DNAJC10: variants seen among roughly 807,000 people sequenced by gnomAD.
The protein encoded by DNAJC10 is endoplasmic reticulum disulfide reductase DNAJC10.
DNAJC10 carries 101 observed loss-of-function variants against 115.0 expected under a neutral mutation model. The observed-to-expected ratio is 0.88, with a 90% CI of 0.75 to 1.04. The LOEUF is 1.04. Among genes scored for constraint, DNAJC10 ranks in the 50% least tolerant of loss-of-function variants. The pLI, the probability that DNAJC10 is intolerant of heterozygous loss-of-function variation, is 0.00. For missense variants in DNAJC10, 981 were observed against 928.8 expected (o/e 1.06, Z -0.73); for synonymous variants, 307 against 301.5 (o/e 1.02, Z -0.19).
chr2:182,726,633 C>T (rs1214368758), intron 5 of DNAJC10, among the ~76,000 whole-genome samples: 1 of 152,126 alleles, frequency 6.6e-6, no homozygotes, highest in Non-Finnish European at 1.5e-5. Flanking sequence ...CCACAGCCAC[C>T]CCAACCTTAC....
At chr2:182,728,750 AAAAT>A in intron 6 of DNAJC10, 92 bp downstream of exon 6, 1 of 1,503,142 alleles carries the variant, frequency 6.7e-7, no homozygotes, top group South Asian at 1.2e-5. Context: ...ATAGTAATCA[AAAAT>A]AATTATCAAA....
chr2:182,719,579 T>C (rs957153796), intron 3 of DNAJC10, among the ~76,000 whole-genome samples: 45 of 152,162 alleles, frequency 3.0e-4, no homozygotes, highest in African/African-American at 9.2e-4. Flanking sequence ...GCTGATAGAT[T>C]GGGGCACATC....
At chr2:182,771,249 TCA>T (rs77167163) in intron 22 of DNAJC10, among the ~76,000 whole-genome samples, 46,515 of 151,972 alleles carry the variant, frequency 0.31, 8,058 homozygotes, top group East Asian at 0.49. Flanking sequence ...TTTAGGATTT[TCA>T]CATCGATGTT....
chr2:182,791,388 A>C lies in DNAJC10; in HGVS notation c.*14256A>C, dbSNP rs752439121. On this transcript the variant is annotated 3_prime_UTR_variant, in exon 24 of 24. Transcript: ENST00000264065. ...ATATTTTTGAATACTATTCTGGCCA[A>C]ATTAGTATAAAATGGGTTACTCTAA... 1 of 152,202 alleles carries C rather than the reference A, an allele frequency of 6.6e-6. No individual in the cohort carries two copies. The highest frequency in any genetic ancestry group is 1.5e-5 in the Non-Finnish European group (1 of 68,020). 9.4% of individuals were successfully genotyped at this position (152,202 alleles called of 1,614,324 possible).
intron 5 of DNAJC10, among the ~76,000 whole-genome samples, chr2:182,725,521 G>A (rs1693261245): frequency 6.6e-6 from 1 of 152,164 alleles, no homozygotes; most frequent in African/African-American, 2.4e-5. Context: ...CAGCCATACT[G>A]CTAACATAGA....
chr2:182,770,737 A>G (rs1694539185), intron 22 of DNAJC10, among the ~76,000 whole-genome samples: 1 of 152,218 alleles, frequency 6.6e-6, no homozygotes, highest in Admixed American at 6.5e-5. Context: ...TAAATAAACA[A>G]TCATGTCATC....
In DNAJC10 at chr2:182,788,211, G is replaced by T; in HGVS notation, c.*11079G>T. On this transcript the variant is annotated 3_prime_UTR_variant, in exon 24 of 24. Coordinates refer to ENST00000264065, the MANE Select transcript of DNAJC10 (RefSeq NM_018981.4). ...CCATCCATGGAGTGGGATTCAAGAAGCATACCCCTCAGAGCACTCAAAGAG... is the reference window on the plus strand; with the variant it reads ...CCATCCATGGAGTGGGATTCAAGAATCATACCCCTCAGAGCACTCAAAGAG... 6.4e-6 allele frequency: 1 copy of T among 155,400 alleles called. No homozygotes were observed. The highest frequency in any genetic ancestry group is 6.5e-5 in the Admixed American group (1 of 15,364). 9.6% of individuals were successfully genotyped at this position (155,400 alleles called of 1,614,324 possible).
chr2:182,782,158 T>G lies in DNAJC10; in HGVS notation c.*5026T>G, dbSNP rs1373045202. The G allele has an allele frequency of 6.6e-6, 1 of 152,228 alleles. No individual in the cohort carries two copies. Among genetic ancestry groups the G allele is most frequent in the Non-Finnish European group, 1.5e-5 (1 of 68,036 alleles). 9.4% of individuals were successfully genotyped at this position (152,228 alleles called of 1,614,324 possible). On this transcript the variant is annotated 3_prime_UTR_variant, in exon 24 of 24. Transcript: ENST00000264065. ...GGAAGGGGTCCCAGTTTCAGTTTTCTACATGTGGCTAGCCTGTTTTCCCAA... is the reference window on the plus strand; with the variant it reads ...GGAAGGGGTCCCAGTTTCAGTTTTCGACATGTGGCTAGCCTGTTTTCCCAA...
At chr2:182,764,174 GACGGGTAATGAATGCCTGCTGC>G (rs1694355093) in intron 22 of DNAJC10, among the ~76,000 whole-genome samples, 1 of 152,160 alleles carries the variant, frequency 6.6e-6, no homozygotes, top group South Asian at 2.1e-4. Flanking sequence ...TGTAAATTTT[GACGGGTAATGAATGCCTGCTGC>G]TGATCCCCTA....
intron 7 of DNAJC10, chr2:182,729,222 C>T (rs1298760134): frequency 7.6e-6 from 3 of 393,024 alleles, no homozygotes; most frequent in Non-Finnish European, 1.4e-5. Flanking sequence ...AGTCTCGGCT[C>T]ACTGCAACCT....
chr2:182,774,258 G>T (rs1426709207), intron 22 of DNAJC10, among the ~76,000 whole-genome samples: 1 of 152,220 alleles, frequency 6.6e-6, no homozygotes, highest in Non-Finnish European at 1.5e-5. Flanking sequence ...TGAGGTGTCT[G>T]TCGGCCCCTA....
In DNAJC10 at chr2:182,739,770, A is replaced by G. The variant is rs1207704529; in HGVS notation, c.988-529A>G. ...GTTTGGTTTTTAGATGAAAACCTCT[A>G]TAATGAGCAAAAGTCCATTCCAATT... is the stretch of plus-strand genomic sequence containing the variant. On this transcript the variant is annotated intron_variant, in intron 11 of 23. Transcript: ENST00000264065. 10 of 1,000,040 alleles carry G rather than the reference A, an allele frequency of 1.0e-5. No homozygotes were observed. In the South Asian group the frequency reaches 1.7e-4, roughly 17 times the overall value. 61.9% of individuals were successfully genotyped at this position (1,000,040 alleles called of 1,614,324 possible). A position where few individuals can be genotyped will look rare whatever the true frequency, so the allele number is the denominator to read the frequency against.
At chr2:182,761,006 GA>G (rs1179067178) in intron 21 of DNAJC10, among the ~76,000 whole-genome samples, 2 of 151,796 alleles carry the variant, frequency 1.3e-5, no homozygotes, top group Admixed American at 1.3e-4. Context: ...TATTAAACAT[GA>G]AAAAGACCAT....
In DNAJC10 at chr2:182,759,306, G is replaced by A; in HGVS notation, c.2144G>A (p.Arg715Lys). Residue 715 changes from arginine (R) to lysine (K), a missense_variant and splice_region_variant, in exon 21 of 24, where the codon AGG (arginine) becomes AAG (lysine). Coordinates refer to ENST00000264065, the MANE Select transcript of DNAJC10 (RefSeq NM_018981.4). The part of the protein sequence containing the change: ...NFAPEFELLA[R>K]MIKGKVKAGK... The stretch of plus-strand genomic sequence containing the variant: ...GCTCCAGAATTTGAGCTCTTGGCTA[G>A]GGTAAGTCATACCTGTCTTAAATAA... The A allele has an allele frequency of 6.2e-7, 1 of 1,608,840 alleles. No homozygotes were observed. The highest frequency in any genetic ancestry group is 8.5e-7 in the Non-Finnish European group (1 of 1,178,796).
rs1371673261 is a variant in DNAJC10 at position 182,752,197 on chromosome 2, A to C, written c.1551+9A>C. 7.4e-7 allele frequency: 1 copy of C among 1,359,046 alleles called. No homozygotes were observed. Among genetic ancestry groups the C allele is most frequent in the Admixed American group, 2.1e-5 (1 of 48,512 alleles). The allele number at this position is 1,359,046 out of a possible 1,614,324, so 84.2% of individuals were successfully genotyped here. ...AGGGACTCTGTAACATGGTAAGGCA[A>C]AGTATCAAAAATTATTCTAATTAAT... On this transcript the variant is annotated intron_variant, in intron 16 of 23. Coordinates refer to ENST00000264065, the MANE Select transcript of DNAJC10 (RefSeq NM_018981.4).
chr2:182,729,204 A>C (rs2105621302), intron 7 of DNAJC10: 1 of 475,702 alleles, frequency 2.1e-6, no homozygotes, highest in South Asian at 2.3e-5. Flanking sequence ...GCTGGAGTGC[A>C]AGGGTGCAGT....
chr2:182,740,385 A>G lies in DNAJC10; in HGVS notation c.1074A>G (p.Leu358=). 2 of 1,566,010 alleles carry G rather than the reference A, an allele frequency of 1.3e-6. No individual in the cohort carries two copies. The highest frequency in any genetic ancestry group is 1.7e-6 in the Non-Finnish European group (2 of 1,162,764). ...PDFELLSANT[L]EDRLAHHRWL... ...TTGAACTACTTTCGGCAAACACACT[A>G]GAGGTAATGTTTTTATTAATAATGA... is the stretch of plus-strand genomic sequence containing the variant. Residue 358 remains leucine (L), a synonymous_variant, in exon 12 of 24, where the codon CTA becomes CTG. Coordinates refer to ENST00000264065, the MANE Select transcript of DNAJC10 (RefSeq NM_018981.4).
chr2:182,760,275 A>G (rs1363409804), intron 21 of DNAJC10, among the ~76,000 whole-genome samples: 1 of 152,214 alleles, frequency 6.6e-6, no homozygotes, highest in Non-Finnish European at 1.5e-5. Flanking sequence ...TGCCCTTCTC[A>G]GTTAATCAGT....
At chr2:182,728,124 G>A (rs1352650593) in intron 5 of DNAJC10, among the ~76,000 whole-genome samples, 1 of 152,142 alleles carries the variant, frequency 6.6e-6, no homozygotes, top group African/African-American at 2.4e-5. Context: ...TGTCAGAATT[G>A]ACTAAACCTA....
Sources: gnomAD v4.1 joint callset for allele counts (sites outside exome capture counted in the v4.1 genomes callset) on GRCh38, gnomAD v4.1.1 for gene constraint, MANE v1.5 for transcripts, NCBI Gene and HGNC (gene_info 2026-07-23, HGNC 2026-07-21) for gene names.